The following PLEKHA5 variants were observed in gnomAD, a reference collection of about 807,000 sequenced individuals.
The protein encoded by PLEKHA5 is pleckstrin homology domain containing A5, also known as pleckstrin homology domain-containing family A member 5.
Under a neutral mutation model 181.9 loss-of-function variants are expected in PLEKHA5, and 55 were observed. The observed-to-expected ratio is 0.30, with a 90% CI of 0.24 to 0.38. The LOEUF is 0.38. Ranked by LOEUF, PLEKHA5 falls within the 10% of genes least tolerant of loss-of-function variation. The pLI is 1.00. For synonymous variants in PLEKHA5, 535 were observed against 529.4 expected, an observed-to-expected ratio of 1.01 and a Z score of -0.15; for missense variants, 1,432 against 1,549.5, an observed-to-expected ratio of 0.92 and a Z score of 1.27.
At chr12:19,366,378 G>A (rs111991236) in intron 30 of PLEKHA5, among the ~76,000 whole-genome samples, 5 of 152,054 alleles carry the variant, frequency 3.3e-5, no homozygotes, top group African/African-American at 7.2e-5. Context: ...TCTTTTGGCC[G>A]GGTGCGGTGG....
At chr12:19,311,194 G>A (rs1379628747) in intron 15 of PLEKHA5, among the ~76,000 whole-genome samples, 2 of 151,752 alleles carry the variant, frequency 1.3e-5, no homozygotes, top group Admixed American at 1.3e-4. Context: ...GGAAGGATAA[G>A]GTGGGAGGCT....
At chr12:19,232,328 T>C (rs1371762580) in intron 3 of PLEKHA5, among the ~76,000 whole-genome samples, 1 of 149,504 alleles carries the variant, frequency 6.7e-6, no homozygotes, top group Non-Finnish European at 1.5e-5. Context: ...GAAGGTAACA[T>C]TTGAGCTGGA....
intron 3 of PLEKHA5, among the ~76,000 whole-genome samples, chr12:19,224,518 C>T (rs1354959052): frequency 6.6e-6 from 1 of 152,118 alleles, no homozygotes; most frequent in Non-Finnish European, 1.5e-5. Flanking sequence ...CCAAGGAACA[C>T]CTACCTTCTT....
At chr12:19,236,201 A>G (rs2061384269) in intron 3 of PLEKHA5, among the ~76,000 whole-genome samples, 1 of 152,238 alleles carries the variant, frequency 6.6e-6, no homozygotes, top group Admixed American at 6.5e-5. Context: ...CACGATGTTA[A>G]CAACTCTTAC....
At chr12:19,308,569 T>C (rs943227622) in intron 15 of PLEKHA5, among the ~76,000 whole-genome samples, 5 of 152,168 alleles carry the variant, frequency 3.3e-5, no homozygotes, top group Non-Finnish European at 7.3e-5. Flanking sequence ...CTAAGTTCAC[T>C]TACATTACTT....
intron 21 of PLEKHA5, among the ~76,000 whole-genome samples, chr12:19,337,600 T>C (rs1407468372): frequency 6.7e-6 from 1 of 150,348 alleles, no homozygotes. Context: ...AAAATGTTGC[T>C]CTGAGGAACG....
chr12:19,357,698 C>T (rs970422320), intron 26 of PLEKHA5, among the ~76,000 whole-genome samples: 4 of 151,978 alleles, frequency 2.6e-5, no homozygotes, highest in African/African-American at 9.7e-5. Flanking sequence ...TGCAGTAGCA[C>T]GATCTCAGCT....
intron 25 of PLEKHA5, among the ~76,000 whole-genome samples, chr12:19,349,586 G>C (rs1376237106): frequency 6.6e-6 from 1 of 152,002 alleles, no homozygotes; most frequent in Non-Finnish European, 1.5e-5. Context: ...GTAAAGAAAA[G>C]AGTAGAGAGA....
At chr12:19,352,754 C>T (rs1184108986) in intron 25 of PLEKHA5, among the ~76,000 whole-genome samples, 1 of 151,294 alleles carries the variant, frequency 6.6e-6, no homozygotes, top group Non-Finnish European at 1.5e-5. Flanking sequence ...TTAAAAATGT[C>T]ATCAGTTAAT....
chr12:19,234,317 C>G (rs1213532659), intron 3 of PLEKHA5, among the ~76,000 whole-genome samples: 1 of 152,134 alleles, frequency 6.6e-6, no homozygotes, highest in Non-Finnish European at 1.5e-5. Flanking sequence ...AGCTCTTTCT[C>G]CTTCTTATTA....
At chr12:19,204,141 G>A (rs1051845862) in intron 3 of PLEKHA5, among the ~76,000 whole-genome samples, 2 of 152,008 alleles carry the variant, frequency 1.3e-5, no homozygotes, top group East Asian at 3.9e-4. Flanking sequence ...GTAGAGGATT[G>A]TGAGGCTACT....
At chr12:19,274,187 G>A (rs781215795) in intron 10 of PLEKHA5, among the ~76,000 whole-genome samples, 4 of 152,154 alleles carry the variant, frequency 2.6e-5, no homozygotes, top group Non-Finnish European at 4.4e-5. Context: ...TATCTACTGT[G>A]GTCCTTTAAG....
chr12:19,161,161 G>A (rs1449035757), intron 3 of PLEKHA5, among the ~76,000 whole-genome samples: 1 of 151,964 alleles, frequency 6.6e-6, no homozygotes, highest in African/African-American at 2.4e-5. Context: ...AAAGGCATTA[G>A]AACAATTCTC....
At chr12:19,340,131 A>G (rs2093741729) in intron 21 of PLEKHA5, among the ~76,000 whole-genome samples, 2 of 152,166 alleles carry the variant, frequency 1.3e-5, no homozygotes, top group South Asian at 4.1e-4. Flanking sequence ...AAGATGACCT[A>G]CTGGGAGGAT....
intron 3 of PLEKHA5, among the ~76,000 whole-genome samples, chr12:19,163,219 C>G (rs2043398627): frequency 6.6e-6 from 1 of 151,744 alleles, no homozygotes; most frequent in Non-Finnish European, 1.5e-5. Flanking sequence ...CTCTATCGCC[C>G]AGGCTGGAGT....
At chr12:19,259,583 T>C (rs1224575667) in intron 6 of PLEKHA5, among the ~76,000 whole-genome samples, 1 of 151,966 alleles carries the variant, frequency 6.6e-6, no homozygotes, top group Non-Finnish European at 1.5e-5. Flanking sequence ...AAACCCTGTC[T>C]CTACCAAAAA....
intron 15 of PLEKHA5, among the ~76,000 whole-genome samples, chr12:19,314,309 A>G (rs1408591803): frequency 1.3e-5 from 2 of 152,164 alleles, no homozygotes; most frequent in South Asian, 2.1e-4. Flanking sequence ...ATAAATGTCA[A>G]GATTACCTTT....
chr12:19,347,699 G>A (rs915495646), intron 24 of PLEKHA5, among the ~76,000 whole-genome samples: 1 of 152,036 alleles, frequency 6.6e-6, no homozygotes, highest in Non-Finnish European at 1.5e-5. Context: ...AAGAGAAAAA[G>A]GAAATTAGAA....
intron 3 of PLEKHA5, among the ~76,000 whole-genome samples, chr12:19,215,352 T>C (rs1188054462): frequency 6.6e-6 from 1 of 152,178 alleles, no homozygotes; most frequent in Non-Finnish European, 1.5e-5. Flanking sequence ...ATGGAAGCTA[T>C]AATAGAATCC....
Sources: allele counts gnomAD v4.1 joint callset (sites outside exome capture counted in the v4.1 genomes callset), GRCh38; gene constraint gnomAD v4.1.1; transcripts MANE v1.5; gene names NCBI Gene and HGNC (gene_info 2026-07-23, HGNC 2026-07-21).